Variants in CAPN2 observed in about 807,000 individuals in gnomAD.
CAPN2 encodes calpain-2 catalytic subunit.
CAPN2 carries 92 observed loss-of-function variants against 102.3 expected under a neutral mutation model. The observed-to-expected ratio is 0.90, with a 90% CI of 0.76 to 1.07. The LOEUF (loss-of-function observed/expected upper bound fraction) is 1.07. CAPN2 is among the 50% of genes least tolerant of loss of function. The probability of loss-of-function intolerance (pLI) is 0.00; values close to 1 mark genes in which losing one functional copy is unlikely to be tolerated. For missense variants in CAPN2, 800 were observed against 909.4 expected, an observed-to-expected ratio of 0.88 and a Z score of 1.55; for synonymous variants, 340 against 355.4, an observed-to-expected ratio of 0.96 and a Z score of 0.49.
At chr1:223,749,796 C>T (rs1558071617) in intron 6 of CAPN2, among the ~76,000 whole-genome samples, 1 of 152,176 alleles carries the variant, frequency 6.6e-6, no homozygotes, top group South Asian at 2.1e-4. Flanking sequence ...GGGAGGATCA[C>T]TCGAGCCTAG....
chr1:223,756,109 C>T lies in CAPN2; in HGVS notation c.1305+460C>T, dbSNP rs984419793. Among the ~76,000 whole-genome samples, 2 of 152,182 alleles carry T rather than the reference C, an allele frequency of 1.3e-5. No individual in the cohort carries two copies. The highest frequency in any genetic ancestry group is 2.4e-5 in the African/African-American group (1 of 41,444). On this transcript the variant is annotated intron_variant, in intron 10 of 20. Transcript: ENST00000295006. The surrounding 1 kb of genome is among the most constrained non-coding windows in gnomAD (Gnocchi z 4.1). Reference sequence around the variant, plus strand: ...GGACAGGGGAACATTGGTCATGATGCTCCCCCCAGGGCTCTGATGGCTGGA... The same window carrying T: ...GGACAGGGGAACATTGGTCATGATGTTCCCCCCAGGGCTCTGATGGCTGGA...
Position 223,759,603 on chromosome 1 carries a change from C to A in CAPN2, c.1529+122C>A. On this transcript the variant is annotated intron_variant, in intron 12 of 20. Coordinates refer to ENST00000295006, the MANE Select transcript of CAPN2 (RefSeq NM_001748.5). The surrounding 1 kb of genome is among the most constrained non-coding windows in gnomAD (Gnocchi z 4.6). ...CAGTTACTTTTTCTGTAACACCTGC[C>A]CACCTCGAAGGACTAGTGTGGGGAT... The A allele has an allele frequency of 1.4e-6, 1 of 720,312 alleles. No homozygotes were observed. The highest frequency in any genetic ancestry group is 2.3e-6 in the Non-Finnish European group (1 of 434,520). 44.6% of individuals were successfully genotyped at this position (720,312 alleles called of 1,614,324 possible). A position where few individuals can be genotyped will look rare whatever the true frequency, so the allele number is the denominator to read the frequency against.
intron 7 of CAPN2, among the ~76,000 whole-genome samples, chr1:223,751,776 C>T (rs748995037): frequency 6.6e-6 from 1 of 152,194 alleles, no homozygotes; most frequent in African/African-American, 2.4e-5. Flanking sequence ...ACAACTCACC[C>T]GCTCACTTTG....
chr1:223,752,083 G>T lies in CAPN2; in HGVS notation c.974+12G>T. ...GATGGAGAATTCTGGTAAGATTAGT[G>T]GAGGCTTCAGGGAAAGCTCTGTCTG... On this transcript the variant is annotated intron_variant, in intron 8 of 20. Coordinates refer to ENST00000295006, the MANE Select transcript of CAPN2 (RefSeq NM_001748.5). The T allele has an allele frequency of 6.3e-7, 1 of 1,581,736 alleles. No homozygotes were observed. Among genetic ancestry groups the T allele is most frequent in the Non-Finnish European group, 8.7e-7 (1 of 1,151,174 alleles).
upstream of CAPN2, among the ~76,000 whole-genome samples, chr1:223,710,914 A>T (rs1659712592): frequency 6.6e-6 from 1 of 150,876 alleles, no homozygotes; most frequent in Non-Finnish European, 1.5e-5. Context: ...CCTCCCTAAC[A>T]TGTATAAAAC....
Position 223,745,404 on chromosome 1 carries a change from G to A in CAPN2, c.525G>A (p.Glu175=). 1 of 1,614,248 alleles carries A rather than the reference G, an allele frequency of 6.2e-7. No homozygotes were observed. The highest frequency in any genetic ancestry group is 8.5e-7 in the Non-Finnish European group (1 of 1,180,040). ...TTGTGCATTCAGCCGAAGGGAGCGAGTTCTGGAGCGCCCTGCTGGAGAAGG... is the reference window on the plus strand; with the variant it reads ...TTGTGCATTCAGCCGAAGGGAGCGAATTCTGGAGCGCCCTGCTGGAGAAGG... The part of the protein sequence containing the change: ...LLFVHSAEGS[E]FWSALLEKAY... Residue 175 remains glutamate, a synonymous_variant, in exon 4 of 21, where the codon GAG becomes GAA. Coordinates refer to ENST00000295006, the MANE Select transcript of CAPN2 (RefSeq NM_001748.5).
chr1:223,757,272 T>A, intron 10 of CAPN2, 97 bp from the exon 11 acceptor site: 1 of 1,339,652 alleles, frequency 7.5e-7, no homozygotes, highest in Non-Finnish European at 1.1e-6. Flanking sequence ...TTGCTAATGC[T>A]ACAGAGAAAA....
chr1:223,743,886 A>G (rs1322592939), intron 2 of CAPN2, among the ~76,000 whole-genome samples: 1 of 152,230 alleles, frequency 6.6e-6, no homozygotes, highest in East Asian at 1.9e-4. Context: ...CCCTCAAAAT[A>G]CTAGGTTGGT....
chr1:223,731,126 T>A lies in CAPN2; in HGVS notation c.308-12974T>A, dbSNP rs1297641114. Among the ~76,000 whole-genome samples, 1 of 151,754 alleles carries A rather than the reference T, an allele frequency of 6.6e-6. No individual in the cohort carries two copies. Among genetic ancestry groups the A allele is most frequent in the Non-Finnish European group, 1.5e-5 (1 of 67,976 alleles). The stretch of plus-strand genomic sequence containing the variant: ...GGGTTAAGAGAGATACCCCAAAGGA[T>A]GATTAAGGAGGGAGAGTTGGAAGGA... On this transcript the variant is annotated intron_variant, in intron 2 of 20. Coordinates refer to ENST00000295006, the MANE Select transcript of CAPN2 (RefSeq NM_001748.5). The surrounding 1 kb of genome is among the most constrained non-coding windows in gnomAD (Gnocchi z 4.2).
intron 17 of CAPN2, 31 bp downstream of exon 17, chr1:223,769,940 G>A (rs1349951159): frequency 1.3e-6 from 2 of 1,513,962 alleles, no homozygotes; most frequent in Non-Finnish European, 9.0e-7. Context: ...GTGGATCTGT[G>A]TTGGGAAACA....
intron 2 of CAPN2, among the ~76,000 whole-genome samples, chr1:223,738,740 C>T (rs753196013): frequency 6.6e-5 from 10 of 152,220 alleles, no homozygotes; most frequent in Non-Finnish European, 1.3e-4. Context: ...TTCTGTGATC[C>T]GAGGAGGAAG....
At chr1:223,705,177 G>C (rs908707029) in intron 1 of CAPN2, among the ~76,000 whole-genome samples, 1 of 152,226 alleles carries the variant, frequency 6.6e-6, no homozygotes, top group Admixed American at 6.5e-5. Context: ...TCCTTGGACT[G>C]GCTGAGAAAA....
At chr1:223,769,250 A>G (rs893271368) in intron 16 of CAPN2, among the ~76,000 whole-genome samples, 1 of 151,974 alleles carries the variant, frequency 6.6e-6, no homozygotes, top group East Asian at 1.9e-4. Flanking sequence ...CCTCCCTAGT[A>G]GCTAGGACTA....
At chr1:223,722,496 G>A (rs1660079175) in intron 2 of CAPN2, among the ~76,000 whole-genome samples, 1 of 151,720 alleles carries the variant, frequency 6.6e-6, no homozygotes, top group Non-Finnish European at 1.5e-5. Context: ...TCACTGTGTT[G>A]CCCAGGCTGG....
Position 223,712,784 on chromosome 1 carries a change from C to A in CAPN2, c.144C>A (p.Asp48Glu). The change falls in exon 1 of 21, where the codon GAC (aspartate) becomes GAA (glutamate). Residue 48 changes from aspartate to glutamate, a missense_variant. Coordinates refer to ENST00000295006, the MANE Select transcript of CAPN2 (RefSeq NM_001748.5). ...ECLEAGTLFQ[D>E]PSFPAIPSAL... ...TGGAGGCCGGGACGCTCTTCCAGGACCCGTCCTTCCCGGCCATCCCCTCGG... is the reference window on the plus strand; with the variant it reads ...TGGAGGCCGGGACGCTCTTCCAGGAACCGTCCTTCCCGGCCATCCCCTCGG... The A allele has an allele frequency of 6.3e-7, 1 of 1,578,796 alleles. No individual in the cohort carries two copies. The highest frequency in any genetic ancestry group is 8.6e-7 in the Non-Finnish European group (1 of 1,165,008).
chr1:223,721,861 G>A (rs1338868367), intron 2 of CAPN2, among the ~76,000 whole-genome samples: 1 of 152,180 alleles, frequency 6.6e-6, no homozygotes, highest in Non-Finnish European at 1.5e-5. Flanking sequence ...CCAGGGCTGT[G>A]GAGAAAAGTG....
In CAPN2 at chr1:223,756,342, C is replaced by A. The variant is rs1344304967; in HGVS notation, c.1305+693C>A. Among the ~76,000 whole-genome samples, 2 of 152,126 alleles carry A rather than the reference C, an allele frequency of 1.3e-5. No homozygotes were observed. The highest frequency in any genetic ancestry group is 3.9e-4 in the East Asian group (2 of 5,184). On this transcript the variant is annotated intron_variant, in intron 10 of 20. Transcript: ENST00000295006. This position sits in a 1 kb window ranked among gnomAD's most constrained non-coding sequence, Gnocchi z 4.1. The stretch of plus-strand genomic sequence containing the variant: ...CTTTCGTGGGCTGCAGGTAGCCATG[C>A]GAGGAGAGGGATGAAAGGAAGGCTT...
rs1661025977 is a variant in CAPN2 at position 223,755,991 on chromosome 1, A to G, written c.1305+342A>G. 6.6e-6 allele frequency among the ~76,000 whole-genome samples: 1 copy of G among 152,220 alleles called. No individual in the cohort carries two copies. Among genetic ancestry groups the G allele is most frequent in the Non-Finnish European group, 1.5e-5 (1 of 68,040 alleles). On this transcript the variant is annotated intron_variant, in intron 10 of 20. Coordinates refer to ENST00000295006, the MANE Select transcript of CAPN2 (RefSeq NM_001748.5). This position sits in a 1 kb window ranked among gnomAD's most constrained non-coding sequence, Gnocchi z 4.1. ...TTCAAAGAACAGAATATACTGGGCC[A>G]CATCAGGCAATACTGTGAGGGCAGG...
chr1:223,761,708 C>T (rs181786813), intron 13 of CAPN2, 91 bp downstream of exon 13: 7 of 1,032,500 alleles, frequency 6.8e-6, no homozygotes, highest in African/African-American at 6.4e-5. Flanking sequence ...TTGGACTTCA[C>T]GAACAAAGCC....
Sources: allele counts gnomAD v4.1 joint callset (sites outside exome capture counted in the v4.1 genomes callset), GRCh38; gene constraint gnomAD v4.1.1; non-coding constraint Gnocchi (gnomAD v3.1); transcripts MANE v1.5; gene names NCBI Gene and HGNC (gene_info 2026-07-23, HGNC 2026-07-21).